Variants in CACNB2 observed in about 807,000 individuals in gnomAD.
CACNB2 encodes calcium voltage-gated channel auxiliary subunit beta 2.
In CACNB2, 42 loss-of-function variants were observed where a neutral mutation model predicts 73.3. That is an observed-to-expected ratio of 0.57 (90% CI 0.45 to 0.74). The LOEUF is 0.74. Ranked by LOEUF, CACNB2 falls within the 30% of genes least tolerant of loss-of-function variation. The pLI, the probability that CACNB2 is intolerant of heterozygous loss-of-function variation, is 0.00. For missense variants in CACNB2, 940 were observed against 853.0 expected, an observed-to-expected ratio of 1.10 and a Z score of -1.27; for synonymous variants, 348 against 310.3, an observed-to-expected ratio of 1.12 and a Z score of -1.28.
chr10:18,415,676 G>A (rs958308200), intron 3 of CACNB2, among the ~76,000 whole-genome samples: 5 of 152,088 alleles, frequency 3.3e-5, no homozygotes, highest in African/African-American at 1.2e-4. Flanking sequence ...CAAGATGATT[G>A]CTAACTATGG....
intron 9 of CACNB2, among the ~76,000 whole-genome samples, chr10:18,525,795 T>G (rs559532480): frequency 6.6e-6 from 1 of 152,296 alleles, no homozygotes; most frequent in Non-Finnish European, 1.5e-5. Context: ...TTCTCCTATC[T>G]TCCAACTCTT....
At chr10:18,174,153 A>G (rs2033428493) in intron 2 of CACNB2, among the ~76,000 whole-genome samples, 2 of 152,028 alleles carry the variant, frequency 1.3e-5, no homozygotes, top group Admixed American at 1.3e-4. Flanking sequence ...ACCTTTGAAG[A>G]TGGGAGTTTG....
intron 2 of CACNB2, among the ~76,000 whole-genome samples, chr10:18,158,204 C>T (rs188792115): frequency 2.0e-5 from 3 of 152,164 alleles, no homozygotes; most frequent in Non-Finnish European, 2.9e-5. Context: ...ATGAATCACT[C>T]CTGTTGTGAA....
Position 18,507,409 on chromosome 10 carries a change from A to T in CACNB2, c.670+862A>T, listed in dbSNP as rs573841769. ...TTCATCCTAATGGTTGCTGGATAAA[A>T]TAAAGCACACCTACTTAAATTTGAA... On this transcript the variant is annotated intron_variant, in intron 6 of 13. Coordinates refer to ENST00000324631, the MANE Select transcript of CACNB2 (RefSeq NM_201596.3). Among the ~76,000 whole-genome samples, 170 of 152,326 alleles carry T rather than the reference A, an allele frequency of 1.1e-3. 1 individual carries two copies. The highest frequency in any genetic ancestry group is 8.5e-3 in the South Asian group (41 of 4,832).
chr10:18,325,679 C>CTCCT (rs35119869), intron 2 of CACNB2, among the ~76,000 whole-genome samples: 5 of 114,770 alleles, frequency 4.4e-5, no homozygotes, highest in African/African-American at 1.7e-4. Flanking sequence ...TTCTCTTTCC[C>CTCCT]TCCCTCCCTC....
intron 3 of CACNB2, among the ~76,000 whole-genome samples, chr10:18,432,306 C>T (rs1169368760): frequency 1.3e-5 from 2 of 152,118 alleles, no homozygotes; most frequent in Non-Finnish European, 2.9e-5. Flanking sequence ...AGCTTCTTCA[C>T]AGTCTTTGAT....
At chr10:18,401,070 G>A (rs779046436) in intron 2 of CACNB2, 2 of 1,614,188 alleles carry the variant, frequency 1.2e-6, no homozygotes, top group Non-Finnish European at 1.7e-6. Context: ...AAAGAGCCAA[G>A]GGAGGAAGGC....
At chr10:18,442,046 T>A (rs1020771428) in intron 3 of CACNB2, among the ~76,000 whole-genome samples, 1 of 152,240 alleles carries the variant, frequency 6.6e-6, no homozygotes, top group Non-Finnish European at 1.5e-5. Context: ...GAACTTTCCT[T>A]GATTGAAAAT....
At chr10:18,439,412 A>T (rs1366123388) in intron 3 of CACNB2, among the ~76,000 whole-genome samples, 1 of 152,200 alleles carries the variant, frequency 6.6e-6, no homozygotes, top group East Asian at 1.9e-4. Flanking sequence ...TTTTAGGTAG[A>T]TGAGGGGAAG....
chr10:18,519,732 G>T (rs61839309), intron 9 of CACNB2: 1 of 455,988 alleles, frequency 2.2e-6, no homozygotes. Context: ...TTCCTTGAAA[G>T]AATTGAGTGT....
intron 2 of CACNB2, among the ~76,000 whole-genome samples, chr10:18,160,575 A>G (rs1033555322): frequency 7.9e-5 from 12 of 152,176 alleles, no homozygotes; most frequent in Admixed American, 7.2e-4. Context: ...AACTAGGAAA[A>G]TAGAATTTCC....
chr10:18,487,510 G>A (rs2049126410), intron 3 of CACNB2, among the ~76,000 whole-genome samples: 1 of 152,126 alleles, frequency 6.6e-6, no homozygotes, highest in Admixed American at 6.6e-5. Flanking sequence ...GTGAAACCAG[G>A]TGGTTGGTCT....
chr10:18,221,566 C>T (rs2035793819), intron 2 of CACNB2, among the ~76,000 whole-genome samples: 1 of 152,128 alleles, frequency 6.6e-6, no homozygotes, highest in Admixed American at 6.6e-5. Flanking sequence ...GTAGTCCCAG[C>T]TCCTTGGGAG....
intron 2 of CACNB2, among the ~76,000 whole-genome samples, chr10:18,171,070 G>A (rs1258069846): frequency 3.3e-5 from 5 of 152,050 alleles, no homozygotes; most frequent in East Asian, 1.9e-4. Context: ...AGAGAAAATC[G>A]CTGTTCTTGT....
At chr10:18,357,467 T>C (rs573856200) in intron 2 of CACNB2, among the ~76,000 whole-genome samples, 10 of 152,304 alleles carry the variant, frequency 6.6e-5, no homozygotes, top group African/African-American at 2.4e-4. Context: ...GTTCCATGGA[T>C]AGGGCCACTG....
At chr10:18,491,442 G>C (rs2049418278) in intron 3 of CACNB2, among the ~76,000 whole-genome samples, 1 of 152,128 alleles carries the variant, frequency 6.6e-6, no homozygotes, top group Non-Finnish European at 1.5e-5. Context: ...ATAAAAATTA[G>C]CTGGGCATTG....
intron 2 of CACNB2, among the ~76,000 whole-genome samples, chr10:18,333,185 G>T (rs1349834135): frequency 6.6e-6 from 1 of 152,132 alleles, no homozygotes; most frequent in Admixed American, 6.5e-5. Context: ...TTTGCAGTTA[G>T]TCGTAATATG....
At chr10:18,151,473 C>T (rs1466095745) in intron 2 of CACNB2, among the ~76,000 whole-genome samples, 1 of 152,072 alleles carries the variant, frequency 6.6e-6, no homozygotes, top group Non-Finnish European at 1.5e-5. Flanking sequence ...TAATTTAAAC[C>T]ATTTCTGCCT....
In CACNB2 at chr10:18,409,647, C is replaced by G. The variant is rs4748460; in HGVS notation, c.333+7604C>G. Reference sequence around the variant, plus strand: ...GACATTGTAAAGCTGATTGGAAGCTCCAAATGCAGTGGCAAAGCTTCTTGA... The same window carrying G: ...GACATTGTAAAGCTGATTGGAAGCTGCAAATGCAGTGGCAAAGCTTCTTGA... On this transcript the variant is annotated intron_variant, in intron 3 of 13. Coordinates refer to ENST00000324631, the MANE Select transcript of CACNB2 (RefSeq NM_201596.3). Among the ~76,000 whole-genome samples, 438 of 152,282 alleles carry G rather than the reference C, an allele frequency of 2.9e-3. 7 individuals are homozygous for G. The highest frequency in any genetic ancestry group is 1.9e-3 in the East Asian group (10 of 5,186).
Sources: gnomAD v4.1 joint callset for allele counts (sites outside exome capture counted in the v4.1 genomes callset) on GRCh38, gnomAD v4.1.1 for gene constraint, MANE v1.5 for transcripts, NCBI Gene and HGNC (gene_info 2026-07-23, HGNC 2026-07-21) for gene names.